The following CA5A variants were observed in gnomAD, a reference collection of about 807,000 sequenced individuals.
The protein encoded by CA5A is carbonic anhydrase 5A.
CA5A carries 28 observed loss-of-function variants against 37.1 expected under a neutral mutation model. That is an observed-to-expected ratio of 0.75 (90% confidence interval 0.56 to 1.03). CA5A has a LOEUF of 1.03. Among genes scored for constraint, CA5A ranks in the 50% least tolerant of loss-of-function variants. The pLI, the probability that CA5A is intolerant of heterozygous loss-of-function variation, is 0.00. For missense variants in CA5A, 444 were observed against 399.9 expected (o/e 1.11, Z -0.94); for synonymous variants, 171 against 158.4 (o/e 1.08, Z -0.60).
chr16:87,896,992 C>T (rs1369498006), intron 5 of CA5A, among the ~76,000 whole-genome samples: 10 of 152,230 alleles, frequency 6.6e-5, no homozygotes, highest in Non-Finnish European at 1.2e-4. Context: ...AGCGTCAAGC[C>T]CCACCCAGCC....
At chr16:87,884,140 G>C (rs1237235512), downstream of CA5A, 1 of 150,896 alleles carries the variant, frequency 6.6e-6, no homozygotes, top group Non-Finnish European at 1.5e-5. Context: ...ACTGGGCCAG[G>C]CGCGGTGGCT....
At chr16:87,925,309 G>C (rs1351366519) in intron 2 of CA5A, among the ~76,000 whole-genome samples, 1 of 152,184 alleles carries the variant, frequency 6.6e-6, no homozygotes, top group African/African-American at 2.4e-5. Flanking sequence ...CACGCGAAGA[G>C]GTGTCTGGGC....
At chr16:87,933,865 C>G (rs1407799905) in intron 1 of CA5A, among the ~76,000 whole-genome samples, 2 of 152,230 alleles carry the variant, frequency 1.3e-5, no homozygotes, top group Non-Finnish European at 2.9e-5. Context: ...CCAATCTTCT[C>G]TGCTTGGCAG....
At chr16:87,923,230 C>T (rs1316921803) in intron 2 of CA5A, among the ~76,000 whole-genome samples, 2 of 152,174 alleles carry the variant, frequency 1.3e-5, no homozygotes, top group Non-Finnish European at 2.9e-5. Flanking sequence ...GCTCTGTCAC[C>T]CAAGCTGGAG....
intron 2 of CA5A, among the ~76,000 whole-genome samples, 178 bp downstream of exon 2, chr16:87,926,570 G>C (rs117766764): frequency 3.9e-5 from 6 of 152,194 alleles, no homozygotes; most frequent in Non-Finnish European, 7.3e-5. Flanking sequence ...CTGTCCCCTC[G>C]AGAACCTTCA....
intron 2 of CA5A, among the ~76,000 whole-genome samples, chr16:87,921,685 G>A (rs999323895): frequency 1.3e-5 from 2 of 152,140 alleles, no homozygotes; most frequent in Non-Finnish European, 2.9e-5. Context: ...TTGGACCCAG[G>A]AGGCAGGAGG....
intron 5 of CA5A, among the ~76,000 whole-genome samples, chr16:87,892,545 AT>A (rs1462521080): frequency 1.5e-5 from 2 of 137,134 alleles, no homozygotes; most frequent in East Asian, 2.0e-4. Context: ...AATAATAATA[AT>A]AATAATAATA....
chr16:87,927,685 A>G (rs2056331427), intron 1 of CA5A, among the ~76,000 whole-genome samples: 1 of 151,830 alleles, frequency 6.6e-6, no homozygotes, highest in Admixed American at 6.6e-5. Flanking sequence ...ACATGGCAAA[A>G]CCCCATCATT....
chr16:87,888,487 A>C (rs909435728), intron 6 of CA5A, among the ~76,000 whole-genome samples: 42 of 151,996 alleles, frequency 2.8e-4, no homozygotes, highest in Non-Finnish European at 4.6e-4. Context: ...CTCTGGGGGG[A>C]AGCTGGTCGC....
chr16:87,929,678 C>G (rs943116254), intron 1 of CA5A, among the ~76,000 whole-genome samples: 2 of 151,624 alleles, frequency 1.3e-5, no homozygotes, highest in African/African-American at 4.8e-5. Flanking sequence ...CGAGACCATC[C>G]TGGCTAACAC....
chr16:87,921,467 TG>T (rs1409198548), intron 2 of CA5A, among the ~76,000 whole-genome samples: 2 of 152,128 alleles, frequency 1.3e-5, no homozygotes, highest in Non-Finnish European at 2.9e-5. Flanking sequence ...TGCACAGCCA[TG>T]GAAATAATCT....
At chr16:87,930,872 C>G (rs2056393085) in intron 1 of CA5A, among the ~76,000 whole-genome samples, 2 of 151,794 alleles carry the variant, frequency 1.3e-5, no homozygotes, top group South Asian at 4.1e-4. Flanking sequence ...TCCCAAGTAG[C>G]TGGGGTTACA....
chr16:87,897,360 T>G (rs561981556), intron 5 of CA5A, among the ~76,000 whole-genome samples: 1 of 152,240 alleles, frequency 6.6e-6, no homozygotes. Flanking sequence ...CTTCTGGCTA[T>G]GGTGAGAGGG....
chr16:87,930,046 G>T (rs2056380775), intron 1 of CA5A, among the ~76,000 whole-genome samples: 1 of 152,144 alleles, frequency 6.6e-6, no homozygotes, highest in South Asian at 2.1e-4. Context: ...TAGATAGTAG[G>T]ATGGTTGTGT....
At chr16:87,886,308 C>T (rs1189325342), downstream of CA5A, 1 of 152,116 alleles carries the variant, frequency 6.6e-6, no homozygotes, top group Non-Finnish European at 1.5e-5. Context: ...CACCACCAAG[C>T]TCGGCTAATT....
chr16:87,918,750 T>C (rs1174940184), intron 2 of CA5A, among the ~76,000 whole-genome samples: 1 of 152,176 alleles, frequency 6.6e-6, no homozygotes, highest in Non-Finnish European at 1.5e-5. Flanking sequence ...TGTTTCTCTC[T>C]GAAAACCTTT....
intron 6 of CA5A, among the ~76,000 whole-genome samples, chr16:87,891,431 G>A (rs1023289271): frequency 2.7e-5 from 4 of 150,764 alleles, no homozygotes; most frequent in Admixed American, 2.7e-4. Context: ...TCGCACCACT[G>A]CACTCCAGCC....
chr16:87,930,735 A>ATTTTTTTTTTTTTTTTTTT (rs68126628), intron 1 of CA5A, among the ~76,000 whole-genome samples: 1 of 134,498 alleles, frequency 7.4e-6, no homozygotes. Flanking sequence ...CTTTGGATCT[A>ATTTTTTTTTTTTTTTTTTT]TTTTTTTTTT....
At chr16:87,907,341 TG>T (rs1389951972) in intron 2 of CA5A, among the ~76,000 whole-genome samples, 1 of 151,984 alleles carries the variant, frequency 6.6e-6, no homozygotes, top group African/African-American at 2.4e-5. Context: ...CCTGTGTCTG[TG>T]GGGGAAAGGG....
Sources: allele counts gnomAD v4.1 joint callset (sites outside exome capture counted in the v4.1 genomes callset), GRCh38; gene constraint gnomAD v4.1.1; transcripts MANE v1.5; gene names NCBI Gene and HGNC (gene_info 2026-07-23, HGNC 2026-07-21).